The following LEMD1 variants were observed in gnomAD, a reference collection of about 807,000 sequenced individuals.
LEMD1 encodes the protein LEM domain-containing protein 1.
LEMD1 carries 18 observed loss-of-function variants against 17.4 expected under a neutral mutation model. The ratio of observed to expected loss-of-function variants is 1.04; its 90% CI spans 0.72 to 1.54. The LOEUF is 1.54. Among genes scored for constraint, LEMD1 ranks in the 40% most tolerant of loss-of-function variants. The pLI is 0.00. For missense variants in LEMD1, 195 were observed against 210.4 expected, an observed-to-expected ratio of 0.93 and a Z score of 0.45; for synonymous variants, 88 against 77.8, an observed-to-expected ratio of 1.13 and a Z score of -0.69.
At chr1:205,433,024 T>A (rs1209549677) in intron 1 of LEMD1, among the ~76,000 whole-genome samples, 1 of 150,764 alleles carries the variant, frequency 6.6e-6, no homozygotes, top group Non-Finnish European at 1.5e-5. Flanking sequence ...AAATAAAAAA[T>A]ATAAAAATTC....
chr1:205,402,895 A>G (rs1664916686), intron 4 of LEMD1, among the ~76,000 whole-genome samples: 2 of 151,906 alleles, frequency 1.3e-5, no homozygotes, highest in Non-Finnish European at 2.9e-5. Flanking sequence ...AATTTATTGA[A>G]AGTTTTTAGC....
chr1:205,437,274 C>T (rs1666226073), intron 1 of LEMD1: 1 of 152,848 alleles, frequency 6.5e-6, no homozygotes, highest in Non-Finnish European at 1.5e-5. Context: ...CTTGAGATCT[C>T]TTCTAGAATC....
At chr1:205,434,084 C>T (rs1666167045) in intron 1 of LEMD1, among the ~76,000 whole-genome samples, 1 of 152,130 alleles carries the variant, frequency 6.6e-6, no homozygotes, top group African/African-American at 2.4e-5. Context: ...TAATGTTATG[C>T]CATCTTATAG....
At chr1:205,438,372 G>C (rs1666240027) in intron 1 of LEMD1, among the ~76,000 whole-genome samples, 1 of 152,240 alleles carries the variant, frequency 6.6e-6, no homozygotes, top group African/African-American at 2.4e-5. Flanking sequence ...AGAGAGGATG[G>C]GAAGGCAGGG....
intron 4 of LEMD1, among the ~76,000 whole-genome samples, chr1:205,388,914 C>T (rs1473243366): frequency 2.6e-5 from 4 of 151,634 alleles, no homozygotes; most frequent in African/African-American, 9.7e-5. Context: ...TTGCATATGA[C>T]ATTTTATGTC....
intron 3 of LEMD1, among the ~76,000 whole-genome samples, chr1:205,418,103 G>C (rs12408770): frequency 6.6e-6 from 1 of 152,182 alleles, no homozygotes; most frequent in African/African-American, 2.4e-5. Context: ...GGCTGCTTCC[G>C]AGCTCAGTGA....
At chr1:205,433,931 C>G (rs920098475) in intron 1 of LEMD1, among the ~76,000 whole-genome samples, 15 of 152,218 alleles carry the variant, frequency 9.9e-5, no homozygotes, top group African/African-American at 3.4e-4. Context: ...GGCCTGATCT[C>G]TCCGCCCTCT....
upstream of LEMD1, chr1:205,422,068 T>C (rs1214606318): frequency 6.6e-6 from 1 of 152,222 alleles, no homozygotes; most frequent in Non-Finnish European, 1.5e-5. Flanking sequence ...AGGTTTCCAC[T>C]AGCAACCAGT....
intron 4 of LEMD1, among the ~76,000 whole-genome samples, chr1:205,397,190 T>C (rs867791894): frequency 7.2e-5 from 11 of 152,198 alleles, no homozygotes; most frequent in Non-Finnish European, 8.8e-5. Flanking sequence ...TGTAATACCA[T>C]GGAAAGGACA....
intron 4 of LEMD1, among the ~76,000 whole-genome samples, chr1:205,398,366 A>G (rs1052996600): frequency 2.6e-5 from 4 of 152,226 alleles, no homozygotes; most frequent in Admixed American, 2.6e-4. Context: ...ATATATTCCC[A>G]TGATACACTA....
intron 4 of LEMD1, among the ~76,000 whole-genome samples, chr1:205,408,164 T>C (rs1665209526): frequency 6.6e-6 from 1 of 152,074 alleles, no homozygotes; most frequent in Admixed American, 6.6e-5. Flanking sequence ...GGGGTCTGAG[T>C]ACTGGTTGGA....
At chr1:205,401,779 T>C (rs568177666) in intron 4 of LEMD1, among the ~76,000 whole-genome samples, 1 of 152,330 alleles carries the variant, frequency 6.6e-6, no homozygotes, top group South Asian at 2.1e-4. Context: ...TCCTTGCCCA[T>C]GCCTATGTTC....
intron 4 of LEMD1, among the ~76,000 whole-genome samples, chr1:205,394,175 G>T (rs12083630): frequency 0.56 from 76,450 of 137,370 alleles, 20,717 homozygotes; most frequent in South Asian, 0.62. Flanking sequence ...CATTAAAACA[G>T]CAGATTAATA....
Position 205,381,929 on chromosome 1 carries a change from G to A in LEMD1, c.348-73C>T, listed in dbSNP as rs1189074575. 135 of 1,462,644 alleles carry A rather than the reference G, an allele frequency of 9.2e-5. 1 individual carries two copies. The highest frequency in any genetic ancestry group is 9.6e-7 in the Non-Finnish European group (1 of 1,044,876). The allele number at this position is 1,462,644 out of a possible 1,614,324, so 90.6% of individuals were successfully genotyped here. The stretch of plus-strand genomic sequence containing the variant: ...CTTGAGTAGCCCCTTAAAGTGTGTG[G>A]GTCTTGAAGCCCAAGGGTGCAGTCA... On this transcript the variant is annotated intron_variant, in intron 5 of 5. Transcript: ENST00000367153.
chr1:205,397,642 G>A (rs1317973747), intron 4 of LEMD1, among the ~76,000 whole-genome samples: 2 of 152,154 alleles, frequency 1.3e-5, no homozygotes, highest in Non-Finnish European at 2.9e-5. Context: ...GAATTGTAAT[G>A]AATAATGCCT....
At chr1:205,418,274 G>A (rs113786491) in intron 3 of LEMD1, among the ~76,000 whole-genome samples, 2 of 152,244 alleles carry the variant, frequency 1.3e-5, no homozygotes, top group African/African-American at 4.8e-5. Context: ...AATATTTGTT[G>A]AATGGAAATG....
At chr1:205,443,306 CT>C (rs1666326476) in intron 1 of LEMD1, among the ~76,000 whole-genome samples, 1 of 152,166 alleles carries the variant, frequency 6.6e-6, no homozygotes, top group Non-Finnish European at 1.5e-5. Context: ...ATCCCCTTTC[CT>C]TTTCACCCCA....
rs1029934296 is a variant in LEMD1, at chr1:205,443,741, C to T, written c.-39+6127G>A. 3.3e-5 allele frequency among the ~76,000 whole-genome samples: 5 copies of T among 152,226 alleles called. No individual in the cohort carries two copies. In the East Asian group the frequency reaches 5.8e-4, roughly 18 times the overall value. On this transcript the variant is annotated intron_variant, in intron 1 of 3. Transcript: ENST00000367154. ...CTGTAAGGTGCACAACTCCATGCCC[C>T]GGAGGCTGCCTGGGCTCTGTCTGCA...
At chr1:205,416,602 C>T (rs966793680) in intron 3 of LEMD1, among the ~76,000 whole-genome samples, 4 of 152,178 alleles carry the variant, frequency 2.6e-5, no homozygotes, top group Non-Finnish European at 4.4e-5. Context: ...TTTGAACCAG[C>T]TGTAAGCCCC....
Sources: allele counts gnomAD v4.1 joint callset (sites outside exome capture counted in the v4.1 genomes callset), GRCh38; gene constraint gnomAD v4.1.1; transcripts MANE v1.5; gene names NCBI Gene and HGNC (gene_info 2026-07-23, HGNC 2026-07-21).